ANTXR1: variants seen among roughly 807,000 people sequenced by gnomAD.
ANTXR1 encodes the protein ANTXR cell adhesion molecule 1.
ANTXR1 carries 19 observed loss-of-function variants against 78.1 expected under a neutral mutation model. The ratio of observed to expected loss-of-function variants is 0.24; its 90% CI spans 0.17 to 0.36. ANTXR1 has a LOEUF of 0.36. Ranked by LOEUF, ANTXR1 falls within the 10% of genes least tolerant of loss-of-function variation. The pLI is 1.00. For synonymous variants in ANTXR1, 273 were observed against 260.5 expected, an observed-to-expected ratio of 1.05 and a Z score of -0.46; for missense variants, 518 against 718.6, an observed-to-expected ratio of 0.72 and a Z score of 3.19.
intron 17 of ANTXR1, among the ~76,000 whole-genome samples, chr2:69,230,954 T>C (rs1342514588): frequency 6.6e-6 from 1 of 152,200 alleles, no homozygotes; most frequent in Non-Finnish European, 1.5e-5. Context: ...CTCTCCCTCC[T>C]CCTACCTTCC....
At position 69,076,344 on chromosome 2, in the gene ANTXR1, C is replaced by G. The variant is rs140848558; in HGVS notation, c.561+686C>G. On this transcript the variant is annotated intron_variant, in intron 7 of 17. Coordinates refer to ENST00000303714, the MANE Select transcript of ANTXR1 (RefSeq NM_032208.3). ...AATGTTCCTTTTCACCCATGAAAAA[C>G]GCAAAGTATTTTCAACACAAAAATA... Among the ~76,000 whole-genome samples, 6 of 152,120 alleles carry G rather than the reference C, an allele frequency of 3.9e-5. No individual in the cohort carries two copies. The East Asian group carries it at 1.2e-3, about 29-fold the overall frequency.
At chr2:69,087,567 A>G (rs1671093437) in intron 8 of ANTXR1, among the ~76,000 whole-genome samples, 1 of 152,094 alleles carries the variant, frequency 6.6e-6, no homozygotes, top group Admixed American at 6.5e-5. Flanking sequence ...CCAAGACCCA[A>G]CTCTTCACAT....
At chr2:69,223,683 G>T (rs1292844339) in intron 17 of ANTXR1, among the ~76,000 whole-genome samples, 2 of 152,200 alleles carry the variant, frequency 1.3e-5, no homozygotes, top group Non-Finnish European at 2.9e-5. Context: ...TTTTGAGGAG[G>T]TTTGCTTAAA....
intron 12 of ANTXR1, among the ~76,000 whole-genome samples, chr2:69,143,489 C>A (rs936238072): frequency 3.9e-5 from 6 of 152,042 alleles, no homozygotes; most frequent in Non-Finnish European, 5.9e-5. Flanking sequence ...TCAATAGGAC[C>A]TACTGGACAA....
intron 17 of ANTXR1, among the ~76,000 whole-genome samples, chr2:69,228,547 T>C (rs751442283): frequency 5.9e-5 from 9 of 151,470 alleles, no homozygotes; most frequent in Non-Finnish European, 1.3e-4. Context: ...CCTGAGCCAT[T>C]TCTACATTTT....
chr2:69,216,921 G>A (rs893480495), intron 17 of ANTXR1, among the ~76,000 whole-genome samples: 9 of 152,178 alleles, frequency 5.9e-5, no homozygotes, highest in African/African-American at 2.2e-4. Context: ...GGTGCTGCCT[G>A]TTCAACCTTC....
chr2:69,181,934 G>A, intron 15 of ANTXR1, 53 bp downstream of exon 15: 1 of 1,580,058 alleles, frequency 6.3e-7, no homozygotes, highest in Non-Finnish European at 8.7e-7. Flanking sequence ...CTCCCATCGA[G>A]GTACCAGCCG....
At chr2:69,180,913 G>A (rs11126223) in intron 14 of ANTXR1, among the ~76,000 whole-genome samples, 73,479 of 151,982 alleles carry the variant, frequency 0.48, 18,288 homozygotes, top group East Asian at 0.77. Flanking sequence ...TGGGGTGGGG[G>A]AAGTGCTTTC....
At chr2:69,138,226 G>A (rs1312932855) in intron 12 of ANTXR1, among the ~76,000 whole-genome samples, 3 of 152,116 alleles carry the variant, frequency 2.0e-5, no homozygotes, top group African/African-American at 7.2e-5. Context: ...CCAAAAAGCA[G>A]AGAAAATCTG....
intron 16 of ANTXR1, among the ~76,000 whole-genome samples, chr2:69,191,860 T>G (rs988561804): frequency 6.6e-6 from 1 of 152,256 alleles, no homozygotes; most frequent in African/African-American, 2.4e-5. Context: ...AACTCTGGTT[T>G]ATAAACCATC....
Position 69,166,449 on chromosome 2 carries a change from C to T in ANTXR1, c.1048-3799C>T, listed in dbSNP as rs190321554. Among the ~76,000 whole-genome samples, 143 of 152,200 alleles carry T rather than the reference C, an allele frequency of 9.4e-4. 1 individual carries two copies. The highest frequency in any genetic ancestry group is 1.8e-4 in the Non-Finnish European group (12 of 68,012). The stretch of plus-strand genomic sequence containing the variant: ...TCCCGTCCCCTTTACCTCACCAGCC[C>T]ATCTCTTAGTGCAAAAGGGACTCTA... On this transcript the variant is annotated intron_variant, in intron 13 of 17. Transcript: ENST00000303714.
At chr2:69,189,617 C>T (rs1218459953) in intron 16 of ANTXR1, among the ~76,000 whole-genome samples, 2 of 152,196 alleles carry the variant, frequency 1.3e-5, no homozygotes, top group Non-Finnish European at 2.9e-5. Context: ...GGCCTGGGCC[C>T]AGGCAGGAGC....
At chr2:69,243,947 G>A (rs1675950031) in intron 17 of ANTXR1, among the ~76,000 whole-genome samples, 2 of 152,246 alleles carry the variant, frequency 1.3e-5, no homozygotes, top group South Asian at 4.1e-4. Context: ...TGGGAAGTGA[G>A]GGAGGCCAGG....
chr2:69,179,741 A>G (rs1674228135), intron 14 of ANTXR1, among the ~76,000 whole-genome samples: 1 of 152,318 alleles, frequency 6.6e-6, no homozygotes, highest in South Asian at 2.1e-4. Flanking sequence ...TAACGTCTCT[A>G]TTCTCGTTCT....
At position 69,038,328 on chromosome 2, in the gene ANTXR1, T is replaced by C. The variant is rs1669508593; in HGVS notation, c.153-1716T>C. ...AAGAAATATTAAATCCCCAGTATAA[T>C]CTTCCTGCCTCTGGTTATGCCAAAT... is the stretch of plus-strand genomic sequence containing the variant. On this transcript the variant is annotated intron_variant, in intron 1 of 17. Transcript: ENST00000303714. 2.0e-5 allele frequency among the ~76,000 whole-genome samples: 3 copies of C among 152,340 alleles called. No individual in the cohort carries two copies. In the South Asian group the frequency reaches 6.2e-4, roughly 32 times the overall value.
intron 14 of ANTXR1, among the ~76,000 whole-genome samples, chr2:69,179,015 C>T (rs982163260): frequency 1.3e-5 from 2 of 152,198 alleles, no homozygotes; most frequent in African/African-American, 4.8e-5. Context: ...AAAACTGCCC[C>T]AGACTGGGAA....
intron 1 of ANTXR1, 87 bp from the exon 2 acceptor site, chr2:69,039,957 G>A: frequency 1.7e-6 from 2 of 1,151,884 alleles, no homozygotes; most frequent in East Asian, 2.5e-5. Flanking sequence ...GAGGTCAAAT[G>A]TAAAATAACA....
At chr2:69,052,404 C>T (rs1190996338) in intron 3 of ANTXR1, among the ~76,000 whole-genome samples, 6 of 151,990 alleles carry the variant, frequency 3.9e-5, no homozygotes, top group African/African-American at 1.4e-4. Context: ...ATATAAAGCT[C>T]TTCCATCTTA....
chr2:69,118,642 C>T (rs1294221009), intron 10 of ANTXR1, among the ~76,000 whole-genome samples: 1 of 152,114 alleles, frequency 6.6e-6, no homozygotes, highest in Non-Finnish European at 1.5e-5. Flanking sequence ...CCTCGGCTGT[C>T]CTAGGAGTGG....
Sources: allele counts gnomAD v4.1 joint callset (sites outside exome capture counted in the v4.1 genomes callset), GRCh38; gene constraint gnomAD v4.1.1; transcripts MANE v1.5; gene names NCBI Gene and HGNC (gene_info 2026-07-23, HGNC 2026-07-21).